MACROD1: variants seen among roughly 807,000 people sequenced by gnomAD.
MACROD1 encodes the protein mono-ADP ribosylhydrolase 1.
MACROD1 carries 31 observed loss-of-function variants against 41.4 expected under a neutral mutation model. The ratio of observed to expected loss-of-function variants is 0.75; its 90% confidence interval spans 0.56 to 1.01. The LOEUF (loss-of-function observed/expected upper bound fraction) is 1.01. MACROD1 is among the 50% of genes least tolerant of loss of function. The pLI is 0.00. For missense variants in MACROD1, 473 were observed against 460.0 expected (o/e 1.03, Z -0.26); for synonymous variants, 252 against 203.4 (o/e 1.24, Z -2.03).
intron 3 of MACROD1, among the ~76,000 whole-genome samples, chr11:64,107,367 T>C (rs1445170365): frequency 7.4e-6 from 1 of 135,086 alleles, no homozygotes; most frequent in Non-Finnish European, 1.5e-5. Flanking sequence ...CCTTGAATGG[T>C]TTAATATCGA....
At chr11:64,150,548 C>A (rs965112871) in intron 3 of MACROD1, among the ~76,000 whole-genome samples, 6 of 152,196 alleles carry the variant, frequency 3.9e-5, no homozygotes, top group Non-Finnish European at 8.8e-5. Context: ...CGGGGTTCAG[C>A]CGCCACTCAA....
chr11:64,100,021 G>C (rs1944644299), intron 3 of MACROD1, among the ~76,000 whole-genome samples: 1 of 152,148 alleles, frequency 6.6e-6, no homozygotes, highest in Non-Finnish European at 1.5e-5. Context: ...GAGTAGTGCA[G>C]CAAGAAGGAA....
At chr11:64,113,861 T>C (rs1944910756) in intron 3 of MACROD1, among the ~76,000 whole-genome samples, 2 of 142,914 alleles carry the variant, frequency 1.4e-5, no homozygotes, top group African/African-American at 2.6e-5. Context: ...GCTGGATGTA[T>C]GGATTGATAC....
intron 3 of MACROD1, among the ~76,000 whole-genome samples, chr11:64,150,394 A>G (rs543684108): frequency 2.2e-4 from 34 of 152,348 alleles, no homozygotes; most frequent in African/African-American, 7.7e-4. Flanking sequence ...GGGCTGGCAC[A>G]GCAGGGTTTT....
rs1053259016 is a variant in MACROD1, at chr11:64,090,825, C to T, written c.517+60414G>A. 1.3e-5 allele frequency among the ~76,000 whole-genome samples: 2 copies of T among 152,014 alleles called. No individual in the cohort carries two copies. The highest frequency in any genetic ancestry group is 2.9e-5 in the Non-Finnish European group (2 of 68,004). On this transcript the variant is annotated intron_variant, in intron 3 of 10. Transcript: ENST00000255681. This position sits in a 1 kb window ranked among gnomAD's most constrained non-coding sequence, Gnocchi z 4.7. ...TCTCTGGGGCTCTGCAGAAGCAGAG[C>T]CCGAGTCGGGTCCAGCCCTGCACTC... is the stretch of plus-strand genomic sequence containing the variant.
At chr11:64,057,513 C>T (rs1331734770) in intron 3 of MACROD1, among the ~76,000 whole-genome samples, 1 of 152,226 alleles carries the variant, frequency 6.6e-6, no homozygotes, top group African/African-American at 2.4e-5. Context: ...GAGGCAAGCC[C>T]AGCTCTCCAG....
intron 3 of MACROD1, among the ~76,000 whole-genome samples, chr11:64,028,707 C>T (rs1219262827): frequency 2.6e-5 from 4 of 152,120 alleles, no homozygotes; most frequent in Non-Finnish European, 5.9e-5. Flanking sequence ...GCAGCTCCTC[C>T]CAGTGCCCCC....
intron 3 of MACROD1, among the ~76,000 whole-genome samples, chr11:64,137,118 T>G (rs1332917782): frequency 6.6e-6 from 1 of 151,962 alleles, no homozygotes; most frequent in Non-Finnish European, 1.5e-5. Context: ...GAGGGAAAGA[T>G]TTTGCCAGCC....
chr11:64,012,907 C>T (rs1415494585), intron 4 of MACROD1, among the ~76,000 whole-genome samples: 1 of 152,162 alleles, frequency 6.6e-6, no homozygotes, highest in African/African-American at 2.4e-5. Context: ...GCAATCATGG[C>T]TCACTGCAGC....
chr11:64,050,124 C>A (rs762574373), intron 3 of MACROD1, among the ~76,000 whole-genome samples: 1 of 152,160 alleles, frequency 6.6e-6, no homozygotes, highest in Non-Finnish European at 1.5e-5. Context: ...TTATGCCCCA[C>A]AGGGAAGCCG....
At chr11:64,068,041 T>C (rs1279273095) in intron 3 of MACROD1, among the ~76,000 whole-genome samples, 1 of 152,202 alleles carries the variant, frequency 6.6e-6, no homozygotes, top group Non-Finnish European at 1.5e-5. Flanking sequence ...ATTTAACAAA[T>C]TGCCTCACAG....
At chr11:64,076,613 A>G (rs1293981461) in intron 3 of MACROD1, among the ~76,000 whole-genome samples, 1 of 152,204 alleles carries the variant, frequency 6.6e-6, no homozygotes, top group Non-Finnish European at 1.5e-5. Context: ...AGATACTATC[A>G]TTATCTCCAT....
intron 3 of MACROD1, among the ~76,000 whole-genome samples, chr11:64,099,404 A>G (rs574987537): frequency 6.6e-6 from 1 of 152,372 alleles, no homozygotes; most frequent in East Asian, 1.9e-4. Context: ...GATTAGACTC[A>G]GAATATGTTT....
At chr11:64,010,477 G>GCA in intron 4 of MACROD1, among the ~76,000 whole-genome samples, 1 of 151,480 alleles carries the variant, frequency 6.6e-6, no homozygotes, top group African/African-American at 2.4e-5. Flanking sequence ...ATGTTGGTTG[G>GCA]GGTGTTGGCT....
intron 3 of MACROD1, among the ~76,000 whole-genome samples, chr11:64,037,957 C>T (rs1488221961): frequency 6.6e-6 from 1 of 152,218 alleles, no homozygotes; most frequent in Non-Finnish European, 1.5e-5. Context: ...GGTCCTGCTC[C>T]TGGACTGGAG....
chr11:64,163,693 G>A (rs747871875), intron 1 of MACROD1, among the ~76,000 whole-genome samples: 1 of 152,204 alleles, frequency 6.6e-6, no homozygotes, highest in Non-Finnish European at 1.5e-5. Context: ...CTCAGAGGGA[G>A]GGAGACCCTG....
intron 3 of MACROD1, among the ~76,000 whole-genome samples, chr11:64,057,600 G>A (rs920442845): frequency 2.0e-5 from 3 of 152,094 alleles, no homozygotes; most frequent in African/African-American, 7.2e-5. Context: ...GTCACTGCCC[G>A]AGCAGGACCT....
In MACROD1 at chr11:63,999,401, T is replaced by TA; in HGVS notation, c.820dup (p.Tyr274LeufsTer4). The TA allele has an allele frequency of 6.3e-7, 1 of 1,588,068 alleles. No individual in the cohort carries two copies. The highest frequency in any genetic ancestry group is 8.5e-7 in the Non-Finnish European group (1 of 1,171,000). On this transcript the variant is annotated frameshift_variant, in exon 8 of 11. Transcript: ENST00000255681. LOFTEE classifies it high-confidence loss of function. The stretch of plus-strand genomic sequence containing the variant: ...GATCTCGGCGGCCGCCTCACAGGGG[T>TA]AGCCTGAGGCGGGTGGGGCGGGAGT...
intron 3 of MACROD1, among the ~76,000 whole-genome samples, chr11:64,114,234 G>T (rs373266017): frequency 6.7e-6 from 1 of 149,302 alleles, no homozygotes; most frequent in Non-Finnish European, 1.5e-5. Flanking sequence ...ACAGATGGAT[G>T]CATGGATGAA....
Sources: gnomAD v4.1 joint callset for allele counts (sites outside exome capture counted in the v4.1 genomes callset) on GRCh38, gnomAD v4.1.1 for gene constraint, Gnocchi (gnomAD v3.1) non-coding constraint, MANE v1.5 for transcripts, NCBI Gene and HGNC (gene_info 2026-07-23, HGNC 2026-07-21) for gene names.